The following BCO1 variants were observed in gnomAD, a reference collection of about 807,000 sequenced individuals.
BCO1 encodes beta-carotene oxygenase 1.
Under a neutral mutation model 56.3 loss-of-function variants are expected in BCO1, and 54 were observed. The observed-to-expected ratio is 0.96, with a 90% CI of 0.77 to 1.20. The LOEUF (loss-of-function observed/expected upper bound fraction) is 1.20. Among genes scored for constraint, BCO1 ranks in the 50% most tolerant of loss-of-function variants. The probability of loss-of-function intolerance (pLI) is 0.00; values close to 1 mark genes in which losing one functional copy is unlikely to be tolerated. For missense variants in BCO1, 801 were observed against 690.9 expected (o/e 1.16, Z -1.79); for synonymous variants, 318 against 266.1 (o/e 1.20, Z -1.90).
intron 8 of BCO1, among the ~76,000 whole-genome samples, chr16:81,283,874 A>C (rs1329646446): frequency 6.6e-6 from 1 of 151,878 alleles, no homozygotes; most frequent in East Asian, 1.9e-4. Flanking sequence ...ATTTGATGCA[A>C]TAGGCATATA....
At chr16:81,252,606 A>G (rs992660914) in intron 2 of BCO1, among the ~76,000 whole-genome samples, 4 of 152,164 alleles carry the variant, frequency 2.6e-5, no homozygotes, top group African/African-American at 9.7e-5. Context: ...ACCTTAGCCA[A>G]TGCCTTGTGG....
At chr16:81,254,411 A>G (rs189775109) in intron 2 of BCO1, among the ~76,000 whole-genome samples, 2 of 141,540 alleles carry the variant, frequency 1.4e-5, no homozygotes, top group Admixed American at 1.6e-4. Context: ...TTGGCCTCCC[A>G]AAGTGCTGGG....
At chr16:81,286,493 T>C (rs1017857875) in intron 9 of BCO1, among the ~76,000 whole-genome samples, 4 of 152,176 alleles carry the variant, frequency 2.6e-5, no homozygotes, top group Admixed American at 2.6e-4. Flanking sequence ...ACTTTAAATG[T>C]TTGCATTGAA....
At chr16:81,284,233 TATATA>T (rs1908041210) in intron 8 of BCO1, among the ~76,000 whole-genome samples, 1 of 140,324 alleles carries the variant, frequency 7.1e-6, no homozygotes, top group African/African-American at 2.7e-5. Context: ...TATATATTTT[TATATA>T]TTTATATATT....
chr16:81,259,653 T>G, intron 2 of BCO1, 23 bp from the exon 3 acceptor site: 1 of 1,614,188 alleles, frequency 6.2e-7, no homozygotes, highest in Non-Finnish European at 8.5e-7. Flanking sequence ...CAGCCTGAGA[T>G]TATGCTGGTT....
intron 7 of BCO1, among the ~76,000 whole-genome samples, chr16:81,273,451 C>T (rs1424904922): frequency 6.6e-6 from 1 of 152,096 alleles, no homozygotes; most frequent in African/African-American, 2.4e-5. Flanking sequence ...CCCAGTTTCT[C>T]AGTGCAGGAA....
chr16:81,264,898 A>G, intron 5 of BCO1, 111 bp downstream of exon 5: 3 of 1,251,888 alleles, frequency 2.4e-6, no homozygotes, highest in Non-Finnish European at 3.5e-6. Context: ...TTTCTCCCGT[A>G]GATTATTGAG....
At chr16:81,269,549 C>T (rs1258556044) in intron 6 of BCO1, among the ~76,000 whole-genome samples, 2 of 152,034 alleles carry the variant, frequency 1.3e-5, no homozygotes, top group Non-Finnish European at 2.9e-5. Context: ...CTCACTGCAC[C>T]CTCCACCTCC....
chr16:81,247,557 G>T (rs112301696), intron 2 of BCO1, among the ~76,000 whole-genome samples: 134 of 150,848 alleles, frequency 8.9e-4, no homozygotes, highest in African/African-American at 3.2e-3. Flanking sequence ...ACAGAGTTTC[G>T]CTCTTGTTGC....
At chr16:81,270,469 T>G (rs1907126427) in intron 7 of BCO1, 53 bp downstream of exon 7, 1 of 1,609,368 alleles carries the variant, frequency 6.2e-7, no homozygotes, top group East Asian at 2.2e-5. Context: ...TCGGCCCAGG[T>G]GGGAAGTTAC....
rs757385985 is a variant in BCO1 at position 81,287,442 on chromosome 16, G to A, written c.1414+36G>A. The A allele has an allele frequency of 4.1e-5, 62 of 1,523,270 alleles. No homozygotes were observed. In the Admixed American group the frequency reaches 5.4e-4, roughly 13 times the overall value. The allele number at this position is 1,523,270 out of a possible 1,614,324, so 94.4% of individuals were successfully genotyped here. A position where few individuals can be genotyped will look rare whatever the true frequency, so the allele number is the denominator to read the frequency against. ...AAGAAGCCACGCCTAGTTGCTGCAC[G>A]TTACTGCAGATCGCCCTCCAACAGA... is the stretch of plus-strand genomic sequence containing the variant. On this transcript the variant is annotated intron_variant, in intron 10 of 10. Coordinates refer to ENST00000258168, the MANE Select transcript of BCO1 (RefSeq NM_017429.3).
At chr16:81,272,185 C>T (rs1907269382) in intron 7 of BCO1, among the ~76,000 whole-genome samples, 1 of 147,314 alleles carries the variant, frequency 6.8e-6, no homozygotes, top group Admixed American at 6.9e-5. Context: ...GCAGTCTCAG[C>T]TCACTGCAAG....
intron 1 of BCO1, among the ~76,000 whole-genome samples, chr16:81,242,553 A>G (rs1055991704): frequency 4.6e-4 from 70 of 152,092 alleles, no homozygotes; most frequent in Non-Finnish European, 2.4e-4. Flanking sequence ...TTAGTCAAAT[A>G]GAGGCCCATC....
chr16:81,242,192 CTTTT>C (rs796252592), intron 1 of BCO1, among the ~76,000 whole-genome samples: 11 of 78,754 alleles, frequency 1.4e-4, no homozygotes, highest in South Asian at 1.4e-3. Context: ...ACTTGGCTGT[CTTTT>C]TTTTTTTTTT....
intron 8 of BCO1, among the ~76,000 whole-genome samples, chr16:81,283,060 C>T (rs1907972771): frequency 6.6e-6 from 1 of 152,220 alleles, no homozygotes; most frequent in African/African-American, 2.4e-5. Flanking sequence ...GTTCTGACCC[C>T]AGCAGTCTCT....
At chr16:81,268,961 C>A (rs929330734) in intron 6 of BCO1, among the ~76,000 whole-genome samples, 1 of 150,584 alleles carries the variant, frequency 6.6e-6, no homozygotes, top group African/African-American at 2.5e-5. Flanking sequence ...AGATTGGGGT[C>A]TTGCTATGTT....
chr16:81,247,937 C>G (rs1905521598), intron 2 of BCO1, among the ~76,000 whole-genome samples: 2 of 152,316 alleles, frequency 1.3e-5, no homozygotes. Flanking sequence ...TGCACCTAAA[C>G]TGTGTAACTT....
chr16:81,250,703 C>G (rs1452926249), intron 2 of BCO1, among the ~76,000 whole-genome samples: 1 of 151,062 alleles, frequency 6.6e-6, no homozygotes, highest in East Asian at 1.9e-4. Context: ...GCCTCGGCCT[C>G]TGGAGTAGCT....
chr16:81,287,006 C>G (rs1448289116), intron 9 of BCO1, among the ~76,000 whole-genome samples: 3 of 152,002 alleles, frequency 2.0e-5, no homozygotes, highest in African/African-American at 7.3e-5. Flanking sequence ...ACCCGGGAGG[C>G]CGAGGTTGCA....
Sources: allele counts gnomAD v4.1 joint callset (sites outside exome capture counted in the v4.1 genomes callset), GRCh38; gene constraint gnomAD v4.1.1; transcripts MANE v1.5; gene names NCBI Gene and HGNC (gene_info 2026-07-23, HGNC 2026-07-21).